The following PIGT variants were observed in gnomAD, a reference collection of about 807,000 sequenced individuals.
PIGT encodes GPI-anchor transamidase component PIGT.
Under a neutral mutation model 66.7 loss-of-function variants are expected in PIGT, and 57 were observed. The ratio of observed to expected loss-of-function variants is 0.86; its 90% confidence interval spans 0.69 to 1.07. PIGT has a LOEUF of 1.07. Among genes scored for constraint, PIGT ranks in the 50% least tolerant of loss-of-function variants. The pLI, the probability that PIGT is intolerant of heterozygous loss-of-function variation, is 0.00. For missense variants in PIGT, 725 were observed against 740.4 expected, an observed-to-expected ratio of 0.98 and a Z score of 0.24; for synonymous variants, 362 against 320.5, an observed-to-expected ratio of 1.13 and a Z score of -1.38.
rs545983984 is a variant in PIGT, at chr20:45,425,349, C to T, written c.1485-225C>T. ...AACCCATCATCTAGGTTTTAAGCCC[C>T]GCATGCATTAGGTATTTGTCCTAAT... On this transcript the variant is annotated intron_variant, in intron 11 of 11. Coordinates refer to ENST00000279036, the MANE Select transcript of PIGT (RefSeq NM_015937.6). 6.6e-5 allele frequency among the ~76,000 whole-genome samples: 10 copies of T among 151,928 alleles called. 1 individual carries two copies. The East Asian group carries it at 1.7e-3, about 26-fold the overall frequency.
In PIGT at chr20:45,425,516, T is replaced by A. The variant is rs772054749; in HGVS notation, c.1485-58T>A. The A allele has an allele frequency of 7.6e-6, 12 of 1,580,626 alleles. No individual in the cohort carries two copies. The South Asian group carries it at 1.1e-4, about 15-fold the overall frequency. On this transcript the variant is annotated intron_variant, in intron 11 of 11. Coordinates refer to ENST00000279036, the MANE Select transcript of PIGT (RefSeq NM_015937.6). ...TTGCCCAATACTGCCGGAATGAGGA[T>A]GGGGTGAGATGGGGAGGAGCAGCCA...
At chr20:45,418,352 A>G (rs1408715135) in intron 2 of PIGT, 3 of 215,854 alleles carry the variant, frequency 1.4e-5, no homozygotes, top group African/African-American at 4.7e-5. Context: ...TAGATGACCC[A>G]GACTGGTCCT....
chr20:45,419,431 G>GT (rs397828499), intron 4 of PIGT, 36 bp downstream of exon 4: 2 of 1,606,370 alleles, frequency 1.2e-6, no homozygotes, highest in East Asian at 4.5e-5. Context: ...GGGGCGGGGG[G>GT]TGTATAGAGA....
Position 45,420,152 on chromosome 20 carries a change from G to C in PIGT, c.698G>C (p.Ser233Thr). The C allele has an allele frequency of 1.9e-6, 3 of 1,611,938 alleles. No individual in the cohort carries two copies. Among genetic ancestry groups the C allele is most frequent in the Non-Finnish European group, 2.5e-6 (3 of 1,178,950 alleles). Reference sequence around the variant, plus strand: ...TTGTGATAGAATGCACGCTGTACTAGCATCTCCTGGGAGCTGAGGCAGACC... The same window carrying C: ...TTGTGATAGAATGCACGCTGTACTACCATCTCCTGGGAGCTGAGGCAGACC... ...RPVCRNARCT[S>T]ISWELRQTLS... Residue 233 changes from serine (S) to threonine (T), a missense_variant, in exon 6 of 12, where the codon AGC becomes ACC. Transcript: ENST00000279036.
At chr20:45,424,035 C>T in intron 9 of PIGT, 181 bp from the exon 10 acceptor site, 1 of 614,396 alleles carries the variant, frequency 1.6e-6, no homozygotes, top group African/African-American at 1.8e-5. Context: ...GGGATCACTG[C>T]CCTGGAAACA....
At chr20:45,423,617 C>T (rs1482170889) in intron 9 of PIGT, 5 of 152,528 alleles carry the variant, frequency 3.3e-5, no homozygotes, top group South Asian at 2.1e-4. Flanking sequence ...CTCCCTGTCT[C>T]CACACCCAGA....
Position 45,420,181 on chromosome 20 carries a change from T to G in PIGT, c.727T>G (p.Ser243Ala), listed in dbSNP as rs1990264554. Residue 243 changes from serine to alanine, a missense_variant, in exon 6 of 12, where the codon TCA becomes GCA. This residue lies in a region of PIGT where 559 missense variants were observed against 552.7 expected (regional missense o/e 1.01). Transcript: ENST00000279036. ...CTCCTGGGAGCTGAGGCAGACCCTG[T>G]CAGTTGTATTTGATGCCTTCATCAC... ...SISWELRQTL[S>A]VVFDAFITGQ... 1 of 1,612,564 alleles carries G rather than the reference T, an allele frequency of 6.2e-7. No individual in the cohort carries two copies. Among genetic ancestry groups the G allele is most frequent in the African/African-American group, 1.3e-5 (1 of 74,886 alleles).
chr20:45,425,659 A>T lies in PIGT; in HGVS notation c.1570A>T (p.Met524Leu), dbSNP rs919441973. Residue 524 changes from methionine (M) to leucine (L), a missense_variant, in exon 12 of 12, where the codon ATG becomes TTG. Coordinates refer to ENST00000279036, the MANE Select transcript of PIGT (RefSeq NM_015937.6). ...LVNLPTPDFSMPYNVICLTCT... is the reference protein window; with the variant it reads ...LVNLPTPDFSLPYNVICLTCT... ...GAACCTGCCGACACCGGACTTCAGC[A>T]TGCCCTACAACGTGATCTGCCTCAC... 13 of 1,614,046 alleles carry T rather than the reference A, an allele frequency of 8.1e-6. No individual in the cohort carries two copies. In the East Asian group the frequency reaches 2.9e-4, roughly 36 times the overall value.
At chr20:45,421,277 C>CT (rs1275706696) in intron 8 of PIGT, 106 bp from the exon 9 acceptor site, 2 of 797,226 alleles carry the variant, frequency 2.5e-6, no homozygotes, top group African/African-American at 4.8e-5. Context: ...CAGGGCTGTT[C>CT]CCCATCTACT....
intron 3 of PIGT, 156 bp downstream of exon 3, chr20:45,419,135 T>C (rs1990176087): frequency 1.8e-6 from 2 of 1,116,574 alleles, no homozygotes; most frequent in Non-Finnish European, 2.6e-6. Flanking sequence ...TGCATGCCTT[T>C]TCCCAAGGAG....
intron 2 of PIGT, 122 bp from the exon 3 acceptor site, chr20:45,418,730 G>C: frequency 8.1e-7 from 1 of 1,234,198 alleles, no homozygotes; most frequent in Non-Finnish European, 1.2e-6. Context: ...TCCATCAACT[G>C]GCCCGTCTAA....
At chr20:45,419,229 C>T in intron 3 of PIGT, 66 bp from the exon 4 acceptor site, 2 of 1,361,572 alleles carry the variant, frequency 1.5e-6, no homozygotes, top group South Asian at 1.2e-5. Context: ...ATTCCCATCT[C>T]TGGAATGTGG....
intron 11 of PIGT, chr20:45,424,998 TA>T (rs1990617522): frequency 5.6e-6 from 1 of 177,250 alleles, no homozygotes; most frequent in Non-Finnish European, 1.2e-5. Context: ...TTTACTGGGT[TA>T]TCTAGGAAGG....
chr20:45,418,136 G>C (rs1320759543), intron 2 of PIGT: 1 of 152,752 alleles, frequency 6.5e-6, no homozygotes, highest in African/African-American at 2.4e-5. Context: ...TGAAATCCTA[G>C]AACAGTTGTT....
chr20:45,418,709 A>C, intron 2 of PIGT, 143 bp from the exon 3 acceptor site: 2 of 1,004,032 alleles, frequency 2.0e-6, no homozygotes, highest in Non-Finnish European at 3.1e-6. Context: ...TGGGGGCAGC[A>C]ATGTTCCAGC....
chr20:45,424,406 C>T (rs1600823250), intron 10 of PIGT, 25 bp downstream of exon 10: 2 of 1,613,880 alleles, frequency 1.2e-6, no homozygotes, highest in Non-Finnish European at 1.7e-6. Context: ...CACAGGCCAC[C>T]TCTCATCCCC....
At position 45,425,950 on chromosome 20, in the gene PIGT, G is replaced by A. The variant is rs954949291; in HGVS notation, c.*124G>A. The A allele has an allele frequency of 2.8e-6, 3 of 1,078,972 alleles. No homozygotes were observed. The highest frequency in any genetic ancestry group is 2.7e-5 in the Admixed American group (1 of 36,628). The allele number at this position is 1,078,972 out of a possible 1,614,324, so 66.8% of individuals were successfully genotyped here. A position where few individuals can be genotyped will look rare whatever the true frequency, so the allele number is the denominator to read the frequency against. On this transcript the variant is annotated 3_prime_UTR_variant, in exon 12 of 12. Transcript: ENST00000279036. ...ACCAAAGTGCCCTGGACCAGGTCAG[G>A]GCCTACAGCTGTGTTGTCCAGTACA...
chr20:45,421,594 G>A lies in PIGT; in HGVS notation c.1234+11G>A. The A allele has an allele frequency of 1.2e-6, 2 of 1,612,862 alleles. No individual in the cohort carries two copies. Among genetic ancestry groups the A allele is most frequent in the South Asian group, 2.2e-5 (2 of 91,046 alleles). ...AGGAGAACAAACCAAGTGAGGACCT[G>A]AGTCCTGAACCAGGCCCCCAGCCCG... On this transcript the variant is annotated intron_variant, in intron 9 of 11. Transcript: ENST00000279036.
rs748728745 is a variant in PIGT at position 45,425,856 on chromosome 20, C to T, written c.*30C>T. ...TGCCCTTTCCAGCAGCTGCAGCTGCCGTTTCTCTCTGGGGAGGGGAGCCCA... is the reference window on the plus strand; with the variant it reads ...TGCCCTTTCCAGCAGCTGCAGCTGCTGTTTCTCTCTGGGGAGGGGAGCCCA... On this transcript the variant is annotated 3_prime_UTR_variant, in exon 12 of 12. Coordinates refer to ENST00000279036, the MANE Select transcript of PIGT (RefSeq NM_015937.6). 3.7e-5 allele frequency: 59 copies of T among 1,603,718 alleles called. 1 individual carries two copies. In the South Asian group the frequency reaches 5.3e-4, roughly 14 times the overall value.
Sources: gnomAD v4.1 joint callset for allele counts (sites outside exome capture counted in the v4.1 genomes callset) on GRCh38, gnomAD v4.1.1 for gene constraint, gnomAD v4.1.1 regional missense constraint, MANE v1.5 for transcripts, NCBI Gene and HGNC (gene_info 2026-07-23, HGNC 2026-07-21) for gene names.